Variants in THSD7B observed in about 807,000 individuals in gnomAD.
THSD7B encodes the protein thrombospondin type 1 domain containing 7B.
THSD7B carries 138 observed loss-of-function variants against 213.6 expected under a neutral mutation model. The observed-to-expected ratio is 0.65, with a 90% CI of 0.56 to 0.74. The LOEUF (loss-of-function observed/expected upper bound fraction) is 0.74. Among genes scored for constraint, THSD7B ranks in the 30% least tolerant of loss-of-function variants. The pLI is 0.00. For missense variants in THSD7B, 1,931 were observed against 1,991.5 expected, an observed-to-expected ratio of 0.97 and a Z score of 0.58; for synonymous variants, 742 against 687.0, an observed-to-expected ratio of 1.08 and a Z score of -1.25.
At chr2:137,588,025 C>A (rs1487712007) in intron 17 of THSD7B, among the ~76,000 whole-genome samples, 2 of 152,190 alleles carry the variant, frequency 1.3e-5, no homozygotes, top group Non-Finnish European at 2.9e-5. Context: ...ACTCAAGCCT[C>A]AGCAATGGCA....
At chr2:137,143,883 A>G (rs1679639928) in intron 5 of THSD7B, among the ~76,000 whole-genome samples, 1 of 151,830 alleles carries the variant, frequency 6.6e-6, no homozygotes, top group South Asian at 2.1e-4. Context: ...CAATCATCTG[A>G]ATTTTTTTGA....
At chr2:137,336,302 A>G (rs561826094) in intron 12 of THSD7B, among the ~76,000 whole-genome samples, 6 of 152,304 alleles carry the variant, frequency 3.9e-5, no homozygotes, top group South Asian at 4.1e-4. Flanking sequence ...TGCTTCCTCC[A>G]CAACCTATTA....
intron 12 of THSD7B, among the ~76,000 whole-genome samples, chr2:137,279,994 C>T (rs1157921517): frequency 6.6e-6 from 1 of 152,160 alleles, no homozygotes; most frequent in Non-Finnish European, 1.5e-5. Flanking sequence ...GTTACACATT[C>T]TCATGAAGGA....
chr2:137,631,222 G>C (rs932176998), intron 20 of THSD7B, among the ~76,000 whole-genome samples: 6 of 152,270 alleles, frequency 3.9e-5, no homozygotes, highest in African/African-American at 1.4e-4. Flanking sequence ...TTTTTAGATA[G>C]ATTTCAAAGA....
chr2:136,976,906 C>G (rs764025488), intron 2 of THSD7B, among the ~76,000 whole-genome samples: 4 of 152,198 alleles, frequency 2.6e-5, no homozygotes, highest in Non-Finnish European at 4.4e-5. Context: ...CAGGCGTGAG[C>G]CACCGCGCCT....
chr2:137,374,754 A>C (rs576912301), intron 12 of THSD7B, among the ~76,000 whole-genome samples: 1 of 152,266 alleles, frequency 6.6e-6, no homozygotes, highest in African/African-American at 2.4e-5. Context: ...ATAAGAGTGC[A>C]CTCTACATGC....
chr2:136,768,264 C>T (rs539815915), intron 1 of THSD7B, among the ~76,000 whole-genome samples: 37 of 152,014 alleles, frequency 2.4e-4, no homozygotes, highest in Middle Eastern at 3.4e-3. Context: ...AATGATAGAC[C>T]GAAAAAGCAG....
At chr2:136,957,490 T>G in intron 2 of THSD7B, among the ~76,000 whole-genome samples, 1 of 152,086 alleles carries the variant, frequency 6.6e-6, no homozygotes, top group Admixed American at 6.6e-5. Flanking sequence ...ATAATAATTT[T>G]CTTTCTGAAA....
intron 2 of THSD7B, among the ~76,000 whole-genome samples, chr2:136,909,010 A>G (rs577180415): frequency 1.5e-3 from 234 of 152,082 alleles, no homozygotes; most frequent in Non-Finnish European, 2.9e-3. Flanking sequence ...GCAAGACCCA[A>G]TCTCTACTAA....
intron 3 of THSD7B, among the ~76,000 whole-genome samples, chr2:137,058,672 A>T (rs1157404568): frequency 6.6e-6 from 1 of 152,174 alleles, no homozygotes; most frequent in East Asian, 1.9e-4. Flanking sequence ...CCCCAAATTT[A>T]TGTATCGAAA....
intron 10 of THSD7B, among the ~76,000 whole-genome samples, chr2:137,245,816 C>G (rs137976683): frequency 6.3e-4 from 96 of 152,216 alleles, no homozygotes; most frequent in African/African-American, 2.3e-3. Flanking sequence ...TTGAGAGTGT[C>G]CTTCAACAGA....
At chr2:136,808,781 A>G (rs2104928428) in intron 1 of THSD7B, among the ~76,000 whole-genome samples, 1 of 152,352 alleles carries the variant, frequency 6.6e-6, no homozygotes, top group Admixed American at 6.5e-5. Flanking sequence ...CCACAGTTAA[A>G]GCTACCTGAG....
chr2:137,226,650 A>G (rs1203808902), intron 7 of THSD7B, among the ~76,000 whole-genome samples: 1 of 151,774 alleles, frequency 6.6e-6, no homozygotes, highest in African/African-American at 2.4e-5. Context: ...GCCAGAGCCT[A>G]TTCATCTGGC....
chr2:136,920,828 G>A (rs533265737), intron 2 of THSD7B, among the ~76,000 whole-genome samples: 6 of 152,128 alleles, frequency 3.9e-5, no homozygotes, highest in Non-Finnish European at 7.4e-5. Context: ...AGAAGGAGCC[G>A]AAGTGGCAGG....
chr2:137,036,673 C>T (rs1686781365), intron 2 of THSD7B, among the ~76,000 whole-genome samples: 1 of 152,150 alleles, frequency 6.6e-6, no homozygotes, highest in African/African-American at 2.4e-5. Flanking sequence ...ACATTCTTTT[C>T]CCAGAGGGAC....
intron 4 of THSD7B, among the ~76,000 whole-genome samples, chr2:137,096,582 C>T (rs1017387173): frequency 6.6e-6 from 1 of 152,158 alleles, no homozygotes; most frequent in Non-Finnish European, 1.5e-5. Context: ...GCAGTGCATG[C>T]CTTTTTACCA....
chr2:136,995,181 A>G (rs190075893), intron 2 of THSD7B, among the ~76,000 whole-genome samples: 82 of 152,328 alleles, frequency 5.4e-4, no homozygotes, highest in African/African-American at 1.9e-3. Context: ...TGACTGTCTC[A>G]GAGCAAATTC....
intron 7 of THSD7B, among the ~76,000 whole-genome samples, chr2:137,224,897 C>T (rs1411532492): frequency 6.6e-6 from 1 of 152,102 alleles, no homozygotes; most frequent in African/African-American, 2.4e-5. Flanking sequence ...AATTCCTGGC[C>T]TTTGTAATCA....
chr2:137,232,432 A>C (rs1681661359), intron 8 of THSD7B, among the ~76,000 whole-genome samples: 1 of 152,176 alleles, frequency 6.6e-6, no homozygotes, highest in Non-Finnish European at 1.5e-5. Flanking sequence ...GTGTCTTAAA[A>C]TAGTTCTCTT....
Sources: allele counts gnomAD v4.1 joint callset (sites outside exome capture counted in the v4.1 genomes callset), GRCh38; gene constraint gnomAD v4.1.1; transcripts MANE v1.5; gene names NCBI Gene and HGNC (gene_info 2026-07-23, HGNC 2026-07-21).